The following GALNT16 variants were observed in gnomAD, a reference collection of about 807,000 sequenced individuals.
GALNT16 encodes the protein polypeptide N-acetylgalactosaminyltransferase 16.
In GALNT16, 40 loss-of-function variants were observed where a neutral mutation model predicts 76.1. That is an observed-to-expected ratio of 0.53 (90% confidence interval 0.41 to 0.68). The LOEUF is 0.68. Among genes scored for constraint, GALNT16 ranks in the 30% least tolerant of loss-of-function variants. GALNT16 has a pLI of 0.00. For missense variants in GALNT16, 621 were observed against 731.9 expected (o/e 0.85, Z 1.75); for synonymous variants, 276 against 285.2 (o/e 0.97, Z 0.32).
intron 11 of GALNT16, 113 bp from the exon 12 acceptor site, chr14:69,341,568 C>CT (rs2045486127): frequency 1.4e-6 from 1 of 701,070 alleles, no homozygotes; most frequent in Non-Finnish European, 2.6e-6. Flanking sequence ...TGGAAGTCTC[C>CT]TGGTCCTTGC....
Position 69,327,013 on chromosome 14 carries a change from G to A in GALNT16, c.568+986G>A, listed in dbSNP as rs186543389. ...AGAAGACCTTGGAAGCCAGAAGAAAGCATTGACTTCATAAGGCAGAGGTAG... is the reference window on the plus strand; with the variant it reads ...AGAAGACCTTGGAAGCCAGAAGAAAACATTGACTTCATAAGGCAGAGGTAG... On this transcript the variant is annotated intron_variant, in intron 5 of 14. Coordinates refer to ENST00000448469, the MANE Select transcript of GALNT16 (RefSeq NM_001168368.2). Among the ~76,000 whole-genome samples, 58 of 152,312 alleles carry A rather than the reference G, an allele frequency of 3.8e-4. No homozygotes were observed. The Middle Eastern group carries it at 0.024, about 63-fold the overall frequency.
chr14:69,351,827 GCTTGAA>G, intron 14 of GALNT16, 198 bp from the exon 15 acceptor site: 1 of 515,066 alleles, frequency 1.9e-6, no homozygotes, highest in Non-Finnish European at 3.4e-6. Flanking sequence ...CAAGAGGATT[GCTTGAA>G]CTCAGGAGTT....
downstream of GALNT16, among the ~76,000 whole-genome samples, chr14:69,360,292 G>A (rs548358356): frequency 6.6e-6 from 1 of 152,002 alleles, no homozygotes; most frequent in South Asian, 2.1e-4. Context: ...GGTTGAGGCT[G>A]CAGTGAGTTA....
At chr14:69,345,385 G>A (rs2045548382) in intron 12 of GALNT16, among the ~76,000 whole-genome samples, 1 of 152,172 alleles carries the variant, frequency 6.6e-6, no homozygotes, top group African/African-American at 2.4e-5. Flanking sequence ...CCTCCTGTGA[G>A]CAGATCAGTT....
At chr14:69,269,691 G>A (rs1422175962) in intron 1 of GALNT16, among the ~76,000 whole-genome samples, 15 of 149,004 alleles carry the variant, frequency 1.0e-4, no homozygotes. Context: ...GTGATGTGGG[G>A]TTTGTGTGTA....
intron 1 of GALNT16, among the ~76,000 whole-genome samples, chr14:69,301,424 G>A (rs2044851012): frequency 6.6e-6 from 1 of 152,100 alleles, no homozygotes; most frequent in Admixed American, 6.5e-5. Context: ...TGTGATCTCT[G>A]CTCACTGCAC....
intron 6 of GALNT16, among the ~76,000 whole-genome samples, chr14:69,330,009 C>G (rs764820612): frequency 4.6e-5 from 7 of 152,148 alleles, no homozygotes; most frequent in Non-Finnish European, 1.0e-4. Context: ...AGGGCAGCCA[C>G]TTTGGAAGGC....
chr14:69,322,852 C>A (rs1488527963), intron 2 of GALNT16, among the ~76,000 whole-genome samples: 1 of 151,750 alleles, frequency 6.6e-6, no homozygotes, highest in African/African-American at 2.4e-5. Flanking sequence ...GATCGCAGTA[C>A]CGTACTCCAG....
In GALNT16 at chr14:69,260,280, G is replaced by C. The variant is rs373183033; in HGVS notation, c.-11G>C. On this transcript the variant is annotated 5_prime_UTR_variant, in exon 1 of 15. Coordinates refer to ENST00000448469, the MANE Select transcript of GALNT16 (RefSeq NM_001168368.2). ...GCCCAGTCCCCCACCTGGGGCGCCC[G>C]TCTGCCCACCATGAGGAAGATCCGC... 4.6e-5 allele frequency: 74 copies of C among 1,611,256 alleles called. No individual in the cohort carries two copies. The highest frequency in any genetic ancestry group is 6.1e-5 in the Non-Finnish European group (72 of 1,178,716).
Position 69,261,883 on chromosome 14 carries a change from G to A in GALNT16, c.177+1416G>A, listed in dbSNP as rs2044279344. Among the ~76,000 whole-genome samples the A allele has an allele frequency of 6.6e-6, 1 of 152,194 alleles. No individual in the cohort carries two copies. Among genetic ancestry groups the A allele is most frequent in the South Asian group, 2.1e-4 (1 of 4,832 alleles). On this transcript the variant is annotated intron_variant, in intron 1 of 14. Transcript: ENST00000448469. The surrounding 1 kb of genome is among the most constrained non-coding windows in gnomAD (Gnocchi z 6.4). ...GGGGGCAAGCCTGATTAGGTGCACT[G>A]TTCCCTTCTGGGCTGTTCTCCCAGG...
At chr14:69,285,093 T>C in intron 1 of GALNT16, among the ~76,000 whole-genome samples, 1 of 140,654 alleles carries the variant, frequency 7.1e-6, no homozygotes, top group South Asian at 2.3e-4. Flanking sequence ...CAGGCTGGAG[T>C]GGGGCAGCAA....
the GALNT16 span, among the ~76,000 whole-genome samples, chr14:69,378,545 T>G: frequency 1.3e-5 from 2 of 149,656 alleles, no homozygotes; most frequent in Non-Finnish European, 2.9e-5. Flanking sequence ...TACTTTAGGC[T>G]CTTTTTCTGT....
intron 4 of GALNT16, 57 bp downstream of exon 4, chr14:69,325,461 C>G (rs2045268924): frequency 4.8e-6 from 5 of 1,042,044 alleles, no homozygotes; most frequent in Non-Finnish European, 3.0e-6. Context: ...CCTGTTTCCC[C>G]AGAACACCAA....
At chr14:69,331,702 G>A in intron 7 of GALNT16, 151 bp downstream of exon 7, 1 of 649,222 alleles carries the variant, frequency 1.5e-6, no homozygotes, top group Non-Finnish European at 2.8e-6. Context: ...AATGAAGAGG[G>A]ATTGGGTGCA....
chr14:69,320,539 C>G (rs2045163867), intron 1 of GALNT16, among the ~76,000 whole-genome samples, 172 bp from the exon 2 acceptor site: 1 of 152,006 alleles, frequency 6.6e-6, no homozygotes. Flanking sequence ...CCCTCTTGAG[C>G]CTCAGTTTTC....
At chr14:69,308,522 A>G (rs1303423738) in intron 1 of GALNT16, among the ~76,000 whole-genome samples, 2 of 152,236 alleles carry the variant, frequency 1.3e-5, no homozygotes, top group African/African-American at 2.4e-5. Flanking sequence ...TAGTATAAGG[A>G]TAAAGTATAC....
chr14:69,376,712 C>A, the GALNT16 span, among the ~76,000 whole-genome samples: 5 of 152,012 alleles, frequency 3.3e-5, no homozygotes, highest in African/African-American at 1.2e-4. Context: ...TGAGGAAACA[C>A]AATGGTGCAA....
At chr14:69,375,974 C>T in the GALNT16 span, among the ~76,000 whole-genome samples, 3 of 151,686 alleles carry the variant, frequency 2.0e-5, no homozygotes, top group African/African-American at 4.9e-5. Flanking sequence ...AGTCTACCGT[C>T]GACGTTAAAA....
rs1314266973 is a variant in GALNT16 at position 69,324,760 on chromosome 14, C to A, written c.404C>A (p.Ala135Asp). 1 of 1,612,492 alleles carries A rather than the reference C, an allele frequency of 6.2e-7. No homozygotes were observed. The highest frequency in any genetic ancestry group is 8.5e-7 in the Non-Finnish European group (1 of 1,178,844). The change falls in exon 3 of 15, where the codon GCC (alanine) becomes GAC (aspartate). Residue 135 changes from alanine (A) to aspartate (D), a missense_variant. By Grantham distance (126) the Ala-to-Asp change is moderately radical. Transcript: ENST00000448469. The part of the protein sequence containing the change: ...TSVIITFHNE[A>D]RSTLLRTVKS... The stretch of plus-strand genomic sequence containing the variant: ...GTCATCATCACCTTCCACAATGAGG[C>A]CCGTTCCACCCTGCTGCGCACAGTG...
Sources: gnomAD v4.1 joint callset for allele counts (sites outside exome capture counted in the v4.1 genomes callset) on GRCh38, gnomAD v4.1.1 for gene constraint, Gnocchi (gnomAD v3.1) non-coding constraint, MANE v1.5 for transcripts, NCBI Gene and HGNC (gene_info 2026-07-23, HGNC 2026-07-21) for gene names.